The following GSG1L variants were observed in gnomAD, a reference collection of about 807,000 sequenced individuals.
GSG1L encodes germ cell-specific gene 1-like protein.
Under a neutral mutation model 42.1 loss-of-function variants are expected in GSG1L, and 24 were observed. The ratio of observed to expected loss-of-function variants is 0.57; its 90% CI spans 0.41 to 0.80. The LOEUF (loss-of-function observed/expected upper bound fraction) is 0.80, where lower values mean the gene tolerates loss of function less well. GSG1L is among the 30% of genes least tolerant of loss of function. The pLI is 0.00. For synonymous variants in GSG1L, 215 were observed against 203.5 expected (o/e 1.06, Z -0.48); for missense variants, 445 against 472.2 (o/e 0.94, Z 0.53).
intron 2 of GSG1L, among the ~76,000 whole-genome samples, chr16:27,889,665 C>T (rs2084100910): frequency 6.6e-6 from 1 of 152,202 alleles, no homozygotes; most frequent in Non-Finnish European, 1.5e-5. Context: ...GCTAAGACAA[C>T]TCTGAGCTGT....
At chr16:27,973,439 CAAAA>C (rs71140935) in intron 1 of GSG1L, among the ~76,000 whole-genome samples, 6,182 of 28,662 alleles carry the variant, frequency 0.22, 70 homozygotes, top group Middle Eastern at 0.35. Flanking sequence ...GACCCCATCA[CAAAA>C]AAAAAAAAAA....
intron 1 of GSG1L, among the ~76,000 whole-genome samples, chr16:28,038,923 G>C (rs1007294996): frequency 6.6e-6 from 1 of 152,014 alleles, no homozygotes; most frequent in African/African-American, 2.4e-5. Flanking sequence ...CCCACTTAAG[G>C]CTCTATCAGA....
intron 3 of GSG1L, among the ~76,000 whole-genome samples, chr16:27,883,671 G>A (rs1163215094): frequency 1.3e-5 from 2 of 152,124 alleles, no homozygotes; most frequent in East Asian, 3.9e-4. Context: ...AGCTTTTTAG[G>A]AACAAATGTC....
intron 1 of GSG1L, among the ~76,000 whole-genome samples, chr16:27,993,267 G>A (rs1181341936): frequency 5.9e-5 from 9 of 152,066 alleles, no homozygotes; most frequent in Non-Finnish European, 5.9e-5. Context: ...TCATGCCTCA[G>A]CCTCCCAAGT....
At chr16:27,995,791 C>T (rs901480952) in intron 1 of GSG1L, among the ~76,000 whole-genome samples, 3 of 151,814 alleles carry the variant, frequency 2.0e-5, no homozygotes, top group African/African-American at 7.3e-5. Flanking sequence ...GGATTACAGG[C>T]GTGTACCACC....
At chr16:27,798,400 G>A (rs903821505) in intron 6 of GSG1L, among the ~76,000 whole-genome samples, 9 of 152,184 alleles carry the variant, frequency 5.9e-5, no homozygotes, top group African/African-American at 1.9e-4. Flanking sequence ...GCCCAGTGGA[G>A]GAAGGGGGCA....
chr16:27,839,347 G>A (rs1480295101), intron 4 of GSG1L, among the ~76,000 whole-genome samples: 2 of 152,192 alleles, frequency 1.3e-5, no homozygotes, highest in East Asian at 1.9e-4. Context: ...TCCACACCAC[G>A]ATGTCCCACT....
intron 1 of GSG1L, among the ~76,000 whole-genome samples, chr16:27,987,622 T>C (rs1326759605): frequency 2.0e-5 from 3 of 152,118 alleles, no homozygotes; most frequent in Non-Finnish European, 4.4e-5. Context: ...CGTGGGTACT[T>C]GGGACCCAGA....
Position 27,802,577 on chromosome 16 carries a change from A to C in GSG1L, c.898+4910T>G, listed in dbSNP as rs571122058. Among the ~76,000 whole-genome samples the C allele has an allele frequency of 3.5e-4, 54 of 152,138 alleles. No individual in the cohort carries two copies. The South Asian group carries it at 0.01, about 29-fold the overall frequency. On this transcript the variant is annotated intron_variant, in intron 6 of 6. Coordinates refer to ENST00000447459, the MANE Select transcript of GSG1L (RefSeq NM_001109763.2). ...TGGAAAGTCTCTGGGGGCGACTGAC[A>C]GTTTTCCACAGCTCTTTCCCCACCG...
At chr16:27,992,599 T>A (rs2085468496) in intron 1 of GSG1L, among the ~76,000 whole-genome samples, 1 of 152,204 alleles carries the variant, frequency 6.6e-6, no homozygotes, top group Non-Finnish European at 1.5e-5. Context: ...TTAAATTTCT[T>A]TTTCAAAGAA....
chr16:27,836,750 A>G (rs2083325359), intron 4 of GSG1L, among the ~76,000 whole-genome samples: 1 of 152,002 alleles, frequency 6.6e-6, no homozygotes. Flanking sequence ...CTATTTTTCC[A>G]AGGGTGTTTG....
At chr16:28,011,278 C>A (rs1390252595) in intron 1 of GSG1L, among the ~76,000 whole-genome samples, 1 of 152,220 alleles carries the variant, frequency 6.6e-6, no homozygotes, top group Non-Finnish European at 1.5e-5. Context: ...GCCGCCACTG[C>A]CCGAGAGAGC....
intron 2 of GSG1L, among the ~76,000 whole-genome samples, chr16:27,905,202 C>T (rs1229106188): frequency 6.6e-6 from 1 of 152,112 alleles, no homozygotes; most frequent in East Asian, 1.9e-4. Flanking sequence ...GGCTTCTAGC[C>T]GAGCATGGTC....
intron 2 of GSG1L, among the ~76,000 whole-genome samples, chr16:27,946,342 C>T (rs1179001910): frequency 6.6e-6 from 1 of 151,838 alleles, no homozygotes; most frequent in Non-Finnish European, 1.5e-5. Context: ...GTCAGGAATT[C>T]GAGACCAGCC....
intron 2 of GSG1L, among the ~76,000 whole-genome samples, chr16:27,910,330 G>A (rs1044092803): frequency 2.0e-5 from 3 of 152,020 alleles, no homozygotes; most frequent in African/African-American, 2.4e-5. Flanking sequence ...TAGTATTCAA[G>A]AGAAATACTA....
intron 6 of GSG1L, among the ~76,000 whole-genome samples, chr16:27,795,724 G>A (rs2082811125): frequency 6.6e-6 from 1 of 152,202 alleles, no homozygotes; most frequent in African/African-American, 2.4e-5. Context: ...AACCTCCCAA[G>A]GTTAGCAGAG....
At chr16:27,948,367 T>C (rs1347429546) in intron 2 of GSG1L, among the ~76,000 whole-genome samples, 2 of 151,946 alleles carry the variant, frequency 1.3e-5, no homozygotes, top group Non-Finnish European at 2.9e-5. Flanking sequence ...GGTATTCTTA[T>C]TCTTATTCTT....
At chr16:27,798,597 T>C (rs1771891808) in intron 6 of GSG1L, among the ~76,000 whole-genome samples, 1 of 152,128 alleles carries the variant, frequency 6.6e-6, no homozygotes, top group Admixed American at 6.5e-5. Context: ...CAGAAGTTGC[T>C]TGGTGGCAGG....
intron 1 of GSG1L, among the ~76,000 whole-genome samples, chr16:28,007,082 A>T (rs559611481): frequency 6.6e-6 from 1 of 152,306 alleles, no homozygotes; most frequent in Non-Finnish European, 1.5e-5. Context: ...AGACTGAGTA[A>T]TGCCCCCACC....
Sources: allele counts gnomAD v4.1 joint callset (sites outside exome capture counted in the v4.1 genomes callset), GRCh38; gene constraint gnomAD v4.1.1; transcripts MANE v1.5; gene names NCBI Gene and HGNC (gene_info 2026-07-23, HGNC 2026-07-21).